Variants in PPM1B observed in about 807,000 individuals in gnomAD.
PPM1B encodes protein phosphatase 1B.
PPM1B carries 22 observed loss-of-function variants against 43.0 expected under a neutral mutation model. The ratio of observed to expected loss-of-function variants is 0.51; its 90% CI spans 0.37 to 0.73. The LOEUF (loss-of-function observed/expected upper bound fraction) is 0.73. PPM1B is among the 30% of genes least tolerant of loss of function. The pLI, the probability that PPM1B is intolerant of heterozygous loss-of-function variation, is 0.00. For synonymous variants in PPM1B, 217 were observed against 197.9 expected (o/e 1.10, Z -0.81); for missense variants, 632 against 584.2 (o/e 1.08, Z -0.84).
At chr2:44,179,851 A>G (rs935367542) in intron 1 of PPM1B, among the ~76,000 whole-genome samples, 4 of 152,018 alleles carry the variant, frequency 2.6e-5, no homozygotes, top group African/African-American at 9.7e-5. Flanking sequence ...TCTACTAAAT[A>G]TACAAAAATT....
downstream of PPM1B, chr2:44,232,346 C>G (rs892216825): frequency 3.1e-6 from 5 of 1,603,838 alleles, no homozygotes; most frequent in Admixed American, 1.7e-5. Flanking sequence ...CCCATGGTAG[C>G]CTTAAAAACC....
intron 5 of PPM1B, among the ~76,000 whole-genome samples, chr2:44,225,898 CA>C (rs1039865401): frequency 6.6e-6 from 1 of 151,858 alleles, no homozygotes; most frequent in Non-Finnish European, 1.5e-5. Flanking sequence ...TAAAGTGATC[CA>C]CCTACCTCGG....
In PPM1B at chr2:44,230,341, G is replaced by A. The variant is rs1186281189; in HGVS notation, c.1135-72G>A. The A allele has an allele frequency of 3.2e-6, 5 of 1,558,670 alleles. No homozygotes were observed. In the African/African-American group the frequency reaches 4.1e-5, roughly 13 times the overall value. Reference sequence around the variant, plus strand: ...TCGGTAGAGAAATTAGTATTTTGCTGTAATGTGTTATGAAATACATGTGAT... The same window carrying A: ...TCGGTAGAGAAATTAGTATTTTGCTATAATGTGTTATGAAATACATGTGAT... On this transcript the variant is annotated intron_variant, in intron 5 of 5. Transcript: ENST00000282412.
intron 2 of PPM1B, among the ~76,000 whole-genome samples, chr2:44,203,194 C>T (rs968251133): frequency 6.6e-6 from 1 of 152,036 alleles, no homozygotes; most frequent in Non-Finnish European, 1.5e-5. Context: ...ATTTAAAGGC[C>T]GTTCTTGTCA....
intron 5 of PPM1B, among the ~76,000 whole-genome samples, chr2:44,243,283 G>A (rs926599149): frequency 2.0e-5 from 3 of 151,922 alleles, no homozygotes; most frequent in Admixed American, 6.6e-5. Context: ...AAATCAAATA[G>A]GATTTATTTT....
rs183459823 is a variant in PPM1B, at chr2:44,177,374, T to A, written c.-15+8100T>A. ...AGGAAATTGAGTTTGTTTCTATTCA[T>A]CTGTTCTGGAGTGTTTGGAATTGCA... On this transcript the variant is annotated intron_variant, in intron 1 of 5. Transcript: ENST00000282412. Among the ~76,000 whole-genome samples, 15 of 152,128 alleles carry A rather than the reference T, an allele frequency of 9.9e-5. No individual in the cohort carries two copies. The East Asian group carries it at 2.9e-3, about 29-fold the overall frequency.
intron 5 of PPM1B, among the ~76,000 whole-genome samples, chr2:44,239,885 T>A (rs1670708559): frequency 5.6e-5 from 5 of 89,632 alleles, no homozygotes; most frequent in Admixed American, 5.5e-4. Flanking sequence ...TGTTTTTTTG[T>A]TTTTGTTTTT....
At chr2:44,210,615 A>T (rs1460243938) in intron 3 of PPM1B, among the ~76,000 whole-genome samples, 1 of 152,126 alleles carries the variant, frequency 6.6e-6, no homozygotes, top group Non-Finnish European at 1.5e-5. Context: ...TTGTTTATGT[A>T]ATACCACGTT....
chr2:44,199,877 T>C (rs1179221796), intron 1 of PPM1B, among the ~76,000 whole-genome samples: 1 of 152,168 alleles, frequency 6.6e-6, no homozygotes, highest in African/African-American at 2.4e-5. Flanking sequence ...TATCGAGTGG[T>C]TCATCAGATT....
chr2:44,220,025 C>G (rs1388107209), intron 5 of PPM1B, among the ~76,000 whole-genome samples: 1 of 151,692 alleles, frequency 6.6e-6, no homozygotes, highest in Non-Finnish European at 1.5e-5. Context: ...AGAGAACCCT[C>G]AAAGAAATGA....
chr2:44,187,985 C>G (rs893785123), intron 1 of PPM1B, among the ~76,000 whole-genome samples: 4 of 152,172 alleles, frequency 2.6e-5, no homozygotes, highest in African/African-American at 9.7e-5. Flanking sequence ...CTCCTGACCT[C>G]GCCATCTGCC....
intron 5 of PPM1B, among the ~76,000 whole-genome samples, chr2:44,241,836 T>C (rs193206790): frequency 8.7e-5 from 13 of 150,106 alleles, no homozygotes; most frequent in Non-Finnish European, 1.9e-4. Context: ...AAACCTGTTA[T>C]AATAAGTATT....
chr2:44,200,193 G>A (rs1668868312), intron 1 of PPM1B, among the ~76,000 whole-genome samples: 2 of 152,200 alleles, frequency 1.3e-5, no homozygotes, highest in Admixed American at 6.5e-5. Flanking sequence ...CTTCACAGCA[G>A]CCCTATGAGG....
rs777368943 is a variant in PPM1B at position 44,201,564 on chromosome 2, A to G, written c.365A>G (p.Asp122Gly). 6.2e-7 allele frequency: 1 copy of G among 1,614,202 alleles called. No individual in the cohort carries two copies. The highest frequency in any genetic ancestry group is 1.1e-5 in the South Asian group (1 of 91,082). ...GATGAATACATGCGTAACTTTTCAG[A>G]CCTCAGAAACGGGATGGACAGGAGT... ...KIDEYMRNFS[D>G]LRNGMDRSGS... is the part of the protein sequence containing the mutation. The change falls in exon 2 of 6, where the codon GAC becomes GGC. Residue 122 changes from aspartate to glycine, a missense_variant. Physicochemically the swap from Asp to Gly is moderately conservative, Grantham distance 94. Coordinates refer to ENST00000282412, the MANE Select transcript of PPM1B (RefSeq NM_002706.6). The surrounding 1 kb of genome is among the most constrained non-coding windows in gnomAD (Gnocchi z 5.4).
intron 5 of PPM1B, among the ~76,000 whole-genome samples, chr2:44,223,973 A>G (rs1670098208): frequency 6.6e-6 from 1 of 152,154 alleles, no homozygotes; most frequent in South Asian, 2.1e-4. Context: ...ATTAAATTTG[A>G]CATGATTCTT....
intron 1 of PPM1B, among the ~76,000 whole-genome samples, chr2:44,170,760 A>C (rs1230083769): frequency 1.3e-5 from 2 of 152,242 alleles, no homozygotes; most frequent in African/African-American, 4.8e-5. Flanking sequence ...CCAAGTGTAC[A>C]GGCCTTTTAA....
At chr2:44,193,063 T>C (rs1668481277) in intron 1 of PPM1B, among the ~76,000 whole-genome samples, 1 of 152,246 alleles carries the variant, frequency 6.6e-6, no homozygotes. Flanking sequence ...CATACTGAAT[T>C]CAGTTCCTTA....
At chr2:44,202,393 G>A (rs981270024) in intron 2 of PPM1B, among the ~76,000 whole-genome samples, 5 of 152,084 alleles carry the variant, frequency 3.3e-5, no homozygotes, top group Non-Finnish European at 5.9e-5. Flanking sequence ...GTATATAGTA[G>A]AATTCTGTAC....
intron 1 of PPM1B, among the ~76,000 whole-genome samples, chr2:44,200,177 C>T (rs1354697117): frequency 6.6e-6 from 1 of 152,204 alleles, no homozygotes; most frequent in African/African-American, 2.4e-5. Context: ...TTTACATTGA[C>T]TCATTCTTCA....
Sources: gnomAD v4.1 joint callset for allele counts (sites outside exome capture counted in the v4.1 genomes callset) on GRCh38, gnomAD v4.1.1 for gene constraint, Gnocchi (gnomAD v3.1) non-coding constraint, MANE v1.5 for transcripts, NCBI Gene and HGNC (gene_info 2026-07-23, HGNC 2026-07-21) for gene names.